Variants in CUL2 observed in about 807,000 individuals in gnomAD.
CUL2 encodes cullin 2.
CUL2 carries 22 observed loss-of-function variants against 110.2 expected under a neutral mutation model. That is an observed-to-expected ratio of 0.20 (90% CI 0.14 to 0.28). CUL2 has a LOEUF of 0.28. CUL2 is among the 10% of genes least tolerant of loss of function. The probability of loss-of-function intolerance (pLI) is 1.00; values close to 1 mark genes in which losing one functional copy is unlikely to be tolerated. For missense variants in CUL2, 631 were observed against 905.5 expected, an observed-to-expected ratio of 0.70 and a Z score of 3.89; for synonymous variants, 279 against 293.2, an observed-to-expected ratio of 0.95 and a Z score of 0.49.
chr10:35,112,539 G>C (rs1432990723), intron 1 of CUL2, among the ~76,000 whole-genome samples: 5 of 152,194 alleles, frequency 3.3e-5, no homozygotes, highest in Admixed American at 2.0e-4. Context: ...GACTGCAAGA[G>C]AAGACAGAGC....
Position 35,097,491 on chromosome 10 carries a change from CAA to C in CUL2, c.167+3351_167+3352del, listed in dbSNP as rs71523359. On this transcript the variant is annotated intron_variant, in intron 2 of 5. Transcript: ENST00000685421. ...GGCAACAGAGCAAGACCCCCTGTCT[CAA>C]AAAAAAAAAAAAAAAAAGAACTTAC... is the stretch of plus-strand genomic sequence containing the variant. Among the ~76,000 whole-genome samples, 341 of 92,558 alleles carry C rather than the reference CAA, an allele frequency of 3.7e-3. 4 individuals are homozygous for C. Among genetic ancestry groups the C allele is most frequent in the Non-Finnish European group, 1.5e-3 (71 of 46,648 alleles). 60.7% of individuals were successfully genotyped at this position (92,558 alleles called of 152,430 possible).
In CUL2 at chr10:35,031,617, A is replaced by C. The variant is rs1420607449; in HGVS notation, c.1173T>G (p.Leu391=). The C allele has an allele frequency of 6.2e-7, 1 of 1,613,988 alleles. No homozygotes were observed. Among genetic ancestry groups the C allele is most frequent in the South Asian group, 1.1e-5 (1 of 91,056 alleles). The change falls in exon 13 of 21, where the codon CTT becomes CTG. Residue 391 remains leucine, a splice_region_variant and synonymous_variant. Transcript: ENST00000374749. This position sits in a 1 kb window ranked among gnomAD's most constrained non-coding sequence, Gnocchi z 4.4. The part of the protein sequence containing the change: ...PKSVCKAPEL[L]AKYCDNLLKK... Reference sequence around the variant, plus strand: ...TCAGTAAGTTGTCACAGTACTTAGCAAGCTCATGTAGAAATTGATAATAAA... The same window carrying C: ...TCAGTAAGTTGTCACAGTACTTAGCCAGCTCATGTAGAAATTGATAATAAA...
chr10:35,031,577 C>G lies in CUL2; in HGVS notation c.1213G>C (p.Gly405Arg). The G allele has an allele frequency of 6.2e-7, 1 of 1,614,100 alleles. No individual in the cohort carries two copies. The change falls in exon 13 of 21, where the codon GGG becomes CGG. Residue 405 changes from glycine (G) to arginine (R), a missense_variant. By Grantham distance (125) the Gly-to-Arg change is moderately radical. Coordinates refer to ENST00000374749, the MANE Select transcript of CUL2 (RefSeq NM_003591.4). This position sits in a 1 kb window ranked among gnomAD's most constrained non-coding sequence, Gnocchi z 4.4. ...CDNLLKKSAK[G>R]MTENEVEDRL... ...TCTTCCACTTCATTCTCTGTCATCC[C>G]TTTCGCTGACTTCTTCAGTAAGTTG...
At chr10:35,066,655 G>T (rs528712560) in intron 2 of CUL2, among the ~76,000 whole-genome samples, 1 of 152,360 alleles carries the variant, frequency 6.6e-6, no homozygotes, top group South Asian at 2.1e-4. Context: ...ACGAAATCAT[G>T]CATTAGCAAA....
chr10:35,037,968 C>A (rs1456500224), intron 9 of CUL2, among the ~76,000 whole-genome samples: 1 of 151,822 alleles, frequency 6.6e-6, no homozygotes, highest in African/African-American at 2.4e-5. Context: ...AGGAGGCCAA[C>A]ATGGTGACAC....
chr10:35,080,999 A>AACCCAGGAG (rs1333096897), intron 1 of CUL2, among the ~76,000 whole-genome samples: 1 of 152,070 alleles, frequency 6.6e-6, no homozygotes, highest in African/African-American at 2.4e-5. Context: ...GGATCACTTG[A>AACCCAGGAG]GCCTGGGAGT....
At chr10:35,068,895 C>T (rs2086607955) in intron 2 of CUL2, among the ~76,000 whole-genome samples, 1 of 152,070 alleles carries the variant, frequency 6.6e-6, no homozygotes, top group African/African-American at 2.4e-5. Context: ...GAAACGGAGC[C>T]TTGCTCTTAT....
At chr10:35,051,235 A>T (rs1214245271) in intron 5 of CUL2, among the ~76,000 whole-genome samples, 1 of 151,516 alleles carries the variant, frequency 6.6e-6, no homozygotes, top group African/African-American at 2.4e-5. Context: ...GAACGGTGTG[A>T]ACCCGGGAGG....
rs79968538 is a variant in CUL2 at position 35,025,083 on chromosome 10, A to T, written c.1684+49T>A. ...AGAAAACCTCTTTCTAAATTAATATAATCATCAGGTAAATTTCATTAAGCC... is the reference window on the plus strand; with the variant it reads ...AGAAAACCTCTTTCTAAATTAATATTATCATCAGGTAAATTTCATTAAGCC... On this transcript the variant is annotated intron_variant, in intron 17 of 20. Transcript: ENST00000374749. The T allele has an allele frequency of 1.6e-3, 2,246 of 1,438,724 alleles. 22 individuals are homozygous for T. The East Asian group carries it at 0.028, about 18-fold the overall frequency. 89.1% of individuals were successfully genotyped at this position (1,438,724 alleles called of 1,614,324 possible).
At chr10:35,082,840 G>C (rs181018591) in intron 1 of CUL2, among the ~76,000 whole-genome samples, 1 of 152,002 alleles carries the variant, frequency 6.6e-6, no homozygotes, top group African/African-American at 2.4e-5. Context: ...CATTATTTTG[G>C]TAACTATACA....
chr10:35,116,308 G>T (rs1170842582), intron 1 of CUL2, among the ~76,000 whole-genome samples: 4 of 152,048 alleles, frequency 2.6e-5, no homozygotes. Flanking sequence ...TCATGCCACT[G>T]CACTCCAGCC....
At chr10:35,064,455 C>A (rs974168722) in intron 2 of CUL2, among the ~76,000 whole-genome samples, 1 of 152,126 alleles carries the variant, frequency 6.6e-6, no homozygotes, top group African/African-American at 2.4e-5. Context: ...TTTATTTATA[C>A]TTTTCCCAAC....
chr10:35,056,837 A>C (rs927402663), intron 4 of CUL2, among the ~76,000 whole-genome samples: 5 of 152,188 alleles, frequency 3.3e-5, no homozygotes. Context: ...ACCTCGCCTA[A>C]AACATCAGAA....
At chr10:35,110,928 A>G (rs1490734074) in intron 1 of CUL2, among the ~76,000 whole-genome samples, 2 of 152,228 alleles carry the variant, frequency 1.3e-5, no homozygotes, top group South Asian at 2.1e-4. Flanking sequence ...GGAGAGACAC[A>G]TAACAGCCCA....
In CUL2 at chr10:35,009,540, A is replaced by G. The variant is rs1205595557; in HGVS notation, c.*771T>C. 6.6e-6 allele frequency: 1 copy of G among 152,196 alleles called. No homozygotes were observed. Among genetic ancestry groups the G allele is most frequent in the Non-Finnish European group, 1.5e-5 (1 of 68,040 alleles). The allele number at this position is 152,196 out of a possible 1,614,324, so 9.4% of individuals were successfully genotyped here. ...AAAAGCTCTCTCTGTGCCAGACTTGAGGTCACCAAGCATCCTGCTCACACT... is the reference window on the plus strand; with the variant it reads ...AAAAGCTCTCTCTGTGCCAGACTTGGGGTCACCAAGCATCCTGCTCACACT... On this transcript the variant is annotated 3_prime_UTR_variant, in exon 21 of 21. Transcript: ENST00000374749.
intron 18 of CUL2, among the ~76,000 whole-genome samples, chr10:35,015,614 T>C (rs1327838543): frequency 6.6e-6 from 1 of 152,096 alleles, no homozygotes; most frequent in Non-Finnish European, 1.5e-5. Context: ...GGATATACTA[T>C]GACAACAAAA....
chr10:35,043,912 T>C (rs978664831), intron 8 of CUL2, among the ~76,000 whole-genome samples: 1 of 151,492 alleles, frequency 6.6e-6, no homozygotes, highest in African/African-American at 2.4e-5. Context: ...TATAACAAAT[T>C]TTAAAAGTTG....
upstream of CUL2, among the ~76,000 whole-genome samples, chr10:35,094,503 G>A (rs141143156): frequency 4.6e-3 from 697 of 152,292 alleles, 5 homozygotes; most frequent in African/African-American, 0.016. Flanking sequence ...CCAAAGTGCT[G>A]GGATTACAGG....
chr10:35,032,413 T>G (rs773916513), intron 12 of CUL2, 22 bp downstream of exon 12: 2 of 1,576,928 alleles, frequency 1.3e-6, no homozygotes, highest in Admixed American at 3.9e-5. Context: ...TAAGATTACT[T>G]TTCAGCAACC....
Sources: gnomAD v4.1 joint callset for allele counts (sites outside exome capture counted in the v4.1 genomes callset) on GRCh38, gnomAD v4.1.1 for gene constraint, Gnocchi (gnomAD v3.1) non-coding constraint, MANE v1.5 for transcripts, NCBI Gene and HGNC (gene_info 2026-07-23, HGNC 2026-07-21) for gene names.